Variants in ELAVL2 observed in about 807,000 individuals in gnomAD.
ELAVL2 encodes the protein ELAV like RNA binding protein 2, also known as ELAV-like protein 2.
In ELAVL2, 4 loss-of-function variants were observed where a neutral mutation model predicts 34.6. That is an observed-to-expected ratio of 0.12 (90% CI 0.06 to 0.26). The LOEUF (loss-of-function observed/expected upper bound fraction) is 0.26. Ranked by LOEUF, ELAVL2 falls within the 10% of genes least tolerant of loss-of-function variation. The probability of loss-of-function intolerance (pLI) is 1.00; values close to 1 mark genes in which losing one functional copy is unlikely to be tolerated. For missense variants in ELAVL2, 432 were observed against 442.8 expected, an observed-to-expected ratio of 0.98 and a Z score of 0.22; for synonymous variants, 193 against 154.8, an observed-to-expected ratio of 1.25 and a Z score of -1.83.
At chr9:23,824,708 G>A (rs2065179297) in intron 1 of ELAVL2, among the ~76,000 whole-genome samples, 4 of 152,296 alleles carry the variant, frequency 2.6e-5, no homozygotes, top group Middle Eastern at 6.8e-3. Flanking sequence ...CTCTTTGGCA[G>A]TAGAAAGCCA....
chr9:23,748,945 A>C (rs546078722), intron 2 of ELAVL2, among the ~76,000 whole-genome samples: 6 of 152,256 alleles, frequency 3.9e-5, no homozygotes, highest in Admixed American at 2.6e-4. Flanking sequence ...ATAGAGACAC[A>C]GAAAATATAA....
intron 2 of ELAVL2, 65 bp downstream of exon 2, chr9:23,761,941 T>C (rs560546159): frequency 6.7e-7 from 1 of 1,496,404 alleles, no homozygotes; most frequent in South Asian, 1.4e-5. Flanking sequence ...GCAGTAATCT[T>C]ATTATTTTCT....
At chr9:23,753,347 T>C (rs1161363340) in intron 2 of ELAVL2, among the ~76,000 whole-genome samples, 1 of 152,074 alleles carries the variant, frequency 6.6e-6, no homozygotes, top group Non-Finnish European at 1.5e-5. Context: ...AACTATTCTG[T>C]TCAGGAATAT....
intron 3 of ELAVL2, among the ~76,000 whole-genome samples, chr9:23,707,936 T>C (rs1457972496): frequency 3.3e-5 from 5 of 152,184 alleles, no homozygotes; most frequent in African/African-American, 7.2e-5. Flanking sequence ...GCAATTCAGA[T>C]GAGTGTAGGT....
At chr9:23,755,296 C>A (rs1450209270) in intron 2 of ELAVL2, among the ~76,000 whole-genome samples, 1 of 152,116 alleles carries the variant, frequency 6.6e-6, no homozygotes, top group Non-Finnish European at 1.5e-5. Flanking sequence ...CTAGTTTCAT[C>A]ATCCTGTAAT....
intron 3 of ELAVL2, among the ~76,000 whole-genome samples, chr9:23,708,019 T>C (rs1321112345): frequency 6.6e-6 from 1 of 151,726 alleles, no homozygotes; most frequent in Non-Finnish European, 1.5e-5. Flanking sequence ...ATAAAGGCTT[T>C]GAAAACATAC....
chr9:23,816,707 ACT>A (rs2063769171), intron 1 of ELAVL2, among the ~76,000 whole-genome samples: 1 of 151,940 alleles, frequency 6.6e-6, no homozygotes, highest in African/African-American at 2.4e-5. Context: ...ATGGTAAGAG[ACT>A]CTCTCGATAT....
intron 1 of ELAVL2, among the ~76,000 whole-genome samples, chr9:23,798,077 GA>G (rs1455786647): frequency 1.3e-5 from 2 of 152,212 alleles, no homozygotes; most frequent in Non-Finnish European, 2.9e-5. Flanking sequence ...GAAAGTGTTT[GA>G]AATCTGTTCT....
At chr9:23,721,596 T>C (rs1217675050) in intron 3 of ELAVL2, among the ~76,000 whole-genome samples, 1 of 152,130 alleles carries the variant, frequency 6.6e-6, no homozygotes, top group African/African-American at 2.4e-5. Context: ...AAGTATCAGA[T>C]TTCCTGTACT....
chr9:23,798,452 A>G (rs957452940), intron 1 of ELAVL2, among the ~76,000 whole-genome samples: 20 of 152,044 alleles, frequency 1.3e-4, no homozygotes, highest in Admixed American at 4.6e-4. Context: ...GGGTGGGGAG[A>G]TAATTATACC....
At chr9:23,800,372 G>A (rs1268217054) in intron 1 of ELAVL2, among the ~76,000 whole-genome samples, 1 of 152,166 alleles carries the variant, frequency 6.6e-6, no homozygotes, top group South Asian at 2.1e-4. Flanking sequence ...AGGGGCCTAA[G>A]TGCACCCTTC....
At chr9:23,733,558 G>T (rs1034736479) in intron 2 of ELAVL2, among the ~76,000 whole-genome samples, 1 of 152,166 alleles carries the variant, frequency 6.6e-6, no homozygotes, top group African/African-American at 2.4e-5. Flanking sequence ...TTAGGTACAC[G>T]TGGATGTGTT....
intron 1 of ELAVL2, among the ~76,000 whole-genome samples, chr9:23,801,004 C>G (rs569602626): frequency 2.8e-4 from 43 of 151,608 alleles, no homozygotes; most frequent in African/African-American, 9.5e-4. Flanking sequence ...AACTTTACAG[C>G]TGGGCCCAGC....
intron 1 of ELAVL2, among the ~76,000 whole-genome samples, chr9:23,765,782 A>C (rs2056111707): frequency 6.6e-6 from 1 of 152,192 alleles, no homozygotes; most frequent in African/African-American, 2.4e-5. Flanking sequence ...TGTTTGGAGT[A>C]ATGCTCGCAT....
At chr9:23,768,929 G>C (rs565217409) in intron 1 of ELAVL2, among the ~76,000 whole-genome samples, 1 of 152,132 alleles carries the variant, frequency 6.6e-6, no homozygotes, top group Non-Finnish European at 1.5e-5. Context: ...AAACAGAAAC[G>C]ATAACATCTC....
chr9:23,789,384 A>T (rs1564473879), intron 1 of ELAVL2, among the ~76,000 whole-genome samples: 1 of 152,348 alleles, frequency 6.6e-6, no homozygotes, highest in Admixed American at 6.5e-5. Flanking sequence ...TGATTTATTA[A>T]ATTTATGCTA....
At chr9:23,791,099 A>G (rs1006184082) in intron 1 of ELAVL2, among the ~76,000 whole-genome samples, 2 of 152,258 alleles carry the variant, frequency 1.3e-5, no homozygotes, top group Admixed American at 1.3e-4. Context: ...AGGTCAAACT[A>G]TAAAACTGAA....
chr9:23,719,026 C>T (rs1477904921), intron 3 of ELAVL2, among the ~76,000 whole-genome samples: 1 of 152,180 alleles, frequency 6.6e-6, no homozygotes, highest in African/African-American at 2.4e-5. Context: ...GGACAACCTT[C>T]ACTGTACGCA....
intron 1 of ELAVL2, among the ~76,000 whole-genome samples, chr9:23,802,908 G>C (rs561312924): frequency 2.0e-5 from 3 of 151,430 alleles, no homozygotes; most frequent in African/African-American, 7.3e-5. Flanking sequence ...TATTTAAACA[G>C]GTTTTTAAAC....
Sources: allele counts gnomAD v4.1 joint callset (sites outside exome capture counted in the v4.1 genomes callset), GRCh38; gene constraint gnomAD v4.1.1; transcripts MANE v1.5; gene names NCBI Gene and HGNC (gene_info 2026-07-23, HGNC 2026-07-21).